ADGRB3: variants seen among roughly 807,000 people sequenced by gnomAD.
ADGRB3 encodes brain-specific angiogenesis inhibitor 3.
ADGRB3 carries 37 observed loss-of-function variants against 193.4 expected under a neutral mutation model. The observed-to-expected ratio is 0.19, with a 90% confidence interval of 0.15 to 0.25. The LOEUF is 0.25. ADGRB3 is among the 10% of genes least tolerant of loss of function. ADGRB3 has a pLI of 1.00. For missense variants in ADGRB3, 1,637 were observed against 1,852.9 expected, an observed-to-expected ratio of 0.88 and a Z score of 2.14; for synonymous variants, 690 against 644.2, an observed-to-expected ratio of 1.07 and a Z score of -1.08.
chr6:68,842,392 T>C (rs1421721153), intron 3 of ADGRB3, among the ~76,000 whole-genome samples: 1 of 151,910 alleles, frequency 6.6e-6, no homozygotes, highest in East Asian at 1.9e-4. Context: ...AGGAACTATA[T>C]AACTATACAC....
chr6:68,752,013 C>A (rs962569170), intron 3 of ADGRB3, among the ~76,000 whole-genome samples: 15 of 151,986 alleles, frequency 9.9e-5, no homozygotes, highest in Admixed American at 5.9e-4. Context: ...CCCACATCAA[C>A]TTATGTATGA....
At chr6:69,037,969 T>C (rs1226719663) in intron 13 of ADGRB3, among the ~76,000 whole-genome samples, 1 of 152,202 alleles carries the variant, frequency 6.6e-6, no homozygotes, top group African/African-American at 2.4e-5. Context: ...CCAAATACTA[T>C]GCCAGTCCAT....
At chr6:68,944,875 A>G (rs1244209605) in intron 6 of ADGRB3, among the ~76,000 whole-genome samples, 2 of 152,312 alleles carry the variant, frequency 1.3e-5, no homozygotes, top group Non-Finnish European at 1.5e-5. Flanking sequence ...AAAGATCAGT[A>G]TAAGTAATCG....
Position 69,178,218 on chromosome 6 carries a change from T to TAAAA in ADGRB3, c.2481-55069_2481-55068insAAAA, listed in dbSNP as rs1221720508. On this transcript the variant is annotated intron_variant, in intron 17 of 31. Coordinates refer to ENST00000370598, the MANE Select transcript of ADGRB3 (RefSeq NM_001704.3). ...TTGTCCTTTTTTACTTTGGTTGGTT[T>TAAAA]AAAGTCTTTTTTATCTGATATAATA... Among the ~76,000 whole-genome samples, 189 of 152,324 alleles carry TAAAA rather than the reference T, an allele frequency of 1.2e-3. 2 individuals carry two copies. The highest frequency in any genetic ancestry group is 0.011 in the South Asian group (52 of 4,826).
At chr6:69,324,541 CAAAG>C (rs1768527871) in intron 20 of ADGRB3, among the ~76,000 whole-genome samples, 1 of 151,902 alleles carries the variant, frequency 6.6e-6, no homozygotes, top group African/African-American at 2.4e-5. Context: ...CAAATTAAAT[CAAAG>C]AAAAGAGAAT....
chr6:69,328,458 A>T (rs962144839), intron 22 of ADGRB3, among the ~76,000 whole-genome samples: 9 of 152,166 alleles, frequency 5.9e-5, no homozygotes, highest in Non-Finnish European at 2.9e-5. Flanking sequence ...TCTGTGAGAG[A>T]ATTTGTGTTT....
intron 13 of ADGRB3, 47 bp downstream of exon 13, chr6:69,018,546 A>T (rs1383704759): frequency 7.6e-7 from 1 of 1,313,496 alleles, no homozygotes; most frequent in African/African-American, 1.5e-5. Context: ...ATAAAAAAAA[A>T]TTGCAAGTAT....
At chr6:68,859,826 G>C (rs183452769) in intron 3 of ADGRB3, among the ~76,000 whole-genome samples, 19 of 152,190 alleles carry the variant, frequency 1.2e-4, no homozygotes, top group Non-Finnish European at 2.2e-4. Context: ...AGCTATGATA[G>C]GCCAATAATT....
chr6:69,218,908 A>G (rs2127247323), intron 17 of ADGRB3, among the ~76,000 whole-genome samples: 1 of 152,194 alleles, frequency 6.6e-6, no homozygotes, highest in Admixed American at 6.5e-5. Context: ...TTCTGTCAGT[A>G]TTTCTCTCAT....
chr6:69,007,943 G>A (rs1018634914), intron 11 of ADGRB3, among the ~76,000 whole-genome samples: 1 of 152,046 alleles, frequency 6.6e-6, no homozygotes, highest in East Asian at 1.9e-4. Context: ...TTTCAAGCTG[G>A]TCCCTTGTTG....
chr6:68,976,978 TAA>T lies in ADGRB3; in HGVS notation c.1734+1640_1734+1641del, dbSNP rs530197949. On this transcript the variant is annotated intron_variant, in intron 10 of 31. Coordinates refer to ENST00000370598, the MANE Select transcript of ADGRB3 (RefSeq NM_001704.3). ...TTTTTTTATATTTATCACATAAACA[TAA>T]AGTTTTATATTTATATATCATATAA... Among the ~76,000 whole-genome samples, 308 of 149,402 alleles carry T rather than the reference TAA, an allele frequency of 2.1e-3. 1 individual carries two copies. Among genetic ancestry groups the T allele is most frequent in the Middle Eastern group, 3.6e-3 (1 of 280 alleles).
intron 3 of ADGRB3, among the ~76,000 whole-genome samples, chr6:68,735,516 A>G (rs1050512722): frequency 3.9e-5 from 6 of 152,072 alleles, no homozygotes; most frequent in Admixed American, 2.6e-4. Context: ...AAAGTACCAG[A>G]AAGATGATGT....
chr6:68,695,573 G>A (rs1390998794), intron 3 of ADGRB3, among the ~76,000 whole-genome samples: 3 of 151,986 alleles, frequency 2.0e-5, no homozygotes, highest in Non-Finnish European at 2.9e-5. Context: ...TCTTGTGATG[G>A]GGAAGGGCCC....
intron 17 of ADGRB3, among the ~76,000 whole-genome samples, chr6:69,174,245 C>T (rs1775365081): frequency 6.6e-6 from 1 of 152,150 alleles, no homozygotes; most frequent in South Asian, 2.1e-4. Context: ...TCAGCACTTG[C>T]ATCCCTCTCT....
rs896368524 is a variant in ADGRB3, at chr6:69,039,265, A to C, written c.2108-8920A>C. On this transcript the variant is annotated intron_variant, in intron 13 of 31. Coordinates refer to ENST00000370598, the MANE Select transcript of ADGRB3 (RefSeq NM_001704.3). Reference sequence around the variant, plus strand: ...GTAATAAGGAAAGAAAAAAAAAAAAACATATGTTTAGTTTGCTAAGATCTA... The same window carrying C: ...GTAATAAGGAAAGAAAAAAAAAAAACCATATGTTTAGTTTGCTAAGATCTA... Among the ~76,000 whole-genome samples the C allele has an allele frequency of 8.7e-5, 13 of 150,036 alleles. 1 individual carries two copies. Among genetic ancestry groups the C allele is most frequent in the Admixed American group, 2.0e-4 (3 of 14,882 alleles).
chr6:68,984,267 C>T (rs935488000), intron 10 of ADGRB3, among the ~76,000 whole-genome samples: 8 of 152,038 alleles, frequency 5.3e-5, no homozygotes, highest in African/African-American at 1.7e-4. Flanking sequence ...GTAATCCAGA[C>T]GAGAGATGAT....
intron 8 of ADGRB3, among the ~76,000 whole-genome samples, chr6:68,958,915 A>G (rs930751124): frequency 6.6e-6 from 1 of 150,950 alleles, no homozygotes; most frequent in Non-Finnish European, 1.5e-5. Context: ...GTGTGTGTAC[A>G]TATACACCAA....
chr6:69,360,600 A>G (rs1024314079), intron 28 of ADGRB3, among the ~76,000 whole-genome samples: 9 of 151,952 alleles, frequency 5.9e-5, no homozygotes, highest in Non-Finnish European at 1.2e-4. Flanking sequence ...ACAGGGTACT[A>G]AGATTTTTGA....
chr6:69,149,924 C>CTGTG (rs1167142377), intron 17 of ADGRB3, among the ~76,000 whole-genome samples: 5,107 of 128,862 alleles, frequency 0.04, 149 homozygotes, highest in African/African-American at 0.065. Context: ...GTCTGTCTTT[C>CTGTG]TGTGTGTGTG....
Sources: allele counts gnomAD v4.1 joint callset (sites outside exome capture counted in the v4.1 genomes callset), GRCh38; gene constraint gnomAD v4.1.1; transcripts MANE v1.5; gene names NCBI Gene and HGNC (gene_info 2026-07-23, HGNC 2026-07-21).